NLGN1: variants seen among roughly 807,000 people sequenced by gnomAD.
The protein encoded by NLGN1 is neuroligin 1.
Under a neutral mutation model 65.5 loss-of-function variants are expected in NLGN1, and 12 were observed. The ratio of observed to expected loss-of-function variants is 0.18; its 90% CI spans 0.12 to 0.30. The LOEUF (loss-of-function observed/expected upper bound fraction) is 0.30. Among genes scored for constraint, NLGN1 ranks in the 10% least tolerant of loss-of-function variants. NLGN1 has a pLI of 1.00. For missense variants in NLGN1, 750 were observed against 1,007.1 expected (o/e 0.74, Z 3.46); for synonymous variants, 350 against 359.5 (o/e 0.97, Z 0.30).
chr3:173,734,227 T>C (rs954477896), intron 3 of NLGN1, among the ~76,000 whole-genome samples: 1 of 151,994 alleles, frequency 6.6e-6, no homozygotes, highest in South Asian at 2.1e-4. Context: ...ATTATGATCA[T>C]GTTAAGGCCT....
chr3:173,676,329 GAACA>G (rs1216957185), intron 3 of NLGN1, among the ~76,000 whole-genome samples: 4 of 152,016 alleles, frequency 2.6e-5, no homozygotes, highest in African/African-American at 9.7e-5. Flanking sequence ...ATGGAAATTG[GAACA>G]AACAAAGCCC....
At chr3:173,536,432 T>C (rs1353224696) in intron 2 of NLGN1, among the ~76,000 whole-genome samples, 1 of 152,166 alleles carries the variant, frequency 6.6e-6, no homozygotes, top group Non-Finnish European at 1.5e-5. Flanking sequence ...AAAAAGTAAA[T>C]AATCTTTTCA....
chr3:173,894,169 T>C (rs1001220358), intron 4 of NLGN1, among the ~76,000 whole-genome samples: 2 of 152,156 alleles, frequency 1.3e-5, no homozygotes, highest in Non-Finnish European at 2.9e-5. Context: ...ATTATTATAA[T>C]AGCACTTATC....
intron 4 of NLGN1, among the ~76,000 whole-genome samples, chr3:174,176,437 G>A (rs1729461366): frequency 6.6e-6 from 1 of 151,898 alleles, no homozygotes; most frequent in Non-Finnish European, 1.5e-5. Flanking sequence ...CAGCCATAAT[G>A]TATGTTGCAA....
At chr3:173,850,703 A>C (rs1466752493) in intron 4 of NLGN1, among the ~76,000 whole-genome samples, 1 of 151,942 alleles carries the variant, frequency 6.6e-6, no homozygotes, top group Admixed American at 6.6e-5. Flanking sequence ...TTTCTAAATT[A>C]TTTTTTCCAA....
intron 2 of NLGN1, among the ~76,000 whole-genome samples, chr3:173,548,987 C>A (rs759836986): frequency 1.1e-4 from 16 of 151,882 alleles, no homozygotes; most frequent in Non-Finnish European, 2.1e-4. Context: ...AAACATTGTT[C>A]TATTGTTACT....
At chr3:173,637,956 G>A (rs978831501) in intron 3 of NLGN1, among the ~76,000 whole-genome samples, 3 of 152,106 alleles carry the variant, frequency 2.0e-5, no homozygotes, top group Non-Finnish European at 2.9e-5. Flanking sequence ...TTGGAAAATT[G>A]TGAAACTTTG....
At chr3:173,696,226 T>C (rs1416573318) in intron 3 of NLGN1, among the ~76,000 whole-genome samples, 1 of 152,220 alleles carries the variant, frequency 6.6e-6, no homozygotes, top group Non-Finnish European at 1.5e-5. Flanking sequence ...TATAAATGTG[T>C]GACAGGAGGA....
intron 4 of NLGN1, among the ~76,000 whole-genome samples, chr3:174,265,015 C>T (rs1287898510): frequency 2.6e-5 from 4 of 152,074 alleles, no homozygotes; most frequent in Admixed American, 1.3e-4. Context: ...GGTCAGGGAC[C>T]CACTTGAGGC....
chr3:174,034,964 T>C (rs1053170306), intron 4 of NLGN1, among the ~76,000 whole-genome samples: 1 of 152,124 alleles, frequency 6.6e-6, no homozygotes. Flanking sequence ...TGGAGAAAGA[T>C]ATGCCATGCT....
intron 4 of NLGN1, among the ~76,000 whole-genome samples, chr3:174,236,877 CAGTT>C (rs1741811277): frequency 1.3e-5 from 2 of 151,876 alleles, no homozygotes; most frequent in Non-Finnish European, 2.9e-5. Context: ...TTTAGTTTCC[CAGTT>C]AGTACACAAT....
At chr3:173,444,814 A>G (rs1719879406) in intron 2 of NLGN1, among the ~76,000 whole-genome samples, 1 of 152,054 alleles carries the variant, frequency 6.6e-6, no homozygotes, top group Admixed American at 6.6e-5. Flanking sequence ...GTGGATAGAT[A>G]CTGCAGTATA....
At chr3:174,146,741 T>C (rs1302495063) in intron 4 of NLGN1, among the ~76,000 whole-genome samples, 1 of 152,048 alleles carries the variant, frequency 6.6e-6, no homozygotes, top group Non-Finnish European at 1.5e-5. Flanking sequence ...CTAATTTTTG[T>C]ATTTTTAGTA....
chr3:173,603,153 A>G (rs1055601724), intron 2 of NLGN1, among the ~76,000 whole-genome samples: 2 of 152,122 alleles, frequency 1.3e-5, no homozygotes, highest in Admixed American at 6.6e-5. Context: ...TTCCCATAAT[A>G]TACAGGATAG....
At chr3:173,632,854 T>G (rs947039587) in intron 3 of NLGN1, among the ~76,000 whole-genome samples, 151 of 148,754 alleles carry the variant, frequency 1.0e-3, no homozygotes, top group African/African-American at 3.6e-3. Context: ...TTTTTGTTTT[T>G]TTTTTTTTTT....
chr3:173,613,802 A>G (rs1264473693), intron 3 of NLGN1, among the ~76,000 whole-genome samples: 3 of 152,114 alleles, frequency 2.0e-5, no homozygotes, highest in Admixed American at 6.6e-5. Flanking sequence ...AAAGCCTGTA[A>G]AATGTTGCAA....
At chr3:173,398,714 G>A (rs996486741) in intron 1 of NLGN1, among the ~76,000 whole-genome samples, 1 of 152,128 alleles carries the variant, frequency 6.6e-6, no homozygotes, top group African/African-American at 2.4e-5. Flanking sequence ...TATAACACTT[G>A]GGAAACGTGA....
intron 4 of NLGN1, among the ~76,000 whole-genome samples, chr3:174,259,724 T>G (rs1439902001): frequency 6.6e-6 from 1 of 151,926 alleles, no homozygotes; most frequent in Non-Finnish European, 1.5e-5. Flanking sequence ...AGGGTACATG[T>G]GCACATTGTG....
At chr3:174,114,429 T>C (rs146167477) in intron 4 of NLGN1, among the ~76,000 whole-genome samples, 161 of 152,298 alleles carry the variant, frequency 1.1e-3, no homozygotes, top group African/African-American at 3.7e-3. Context: ...AATTTTAAAA[T>C]GGCATATAAA....
Sources: allele counts gnomAD v4.1 joint callset (sites outside exome capture counted in the v4.1 genomes callset), GRCh38; gene constraint gnomAD v4.1.1; transcripts MANE v1.5; gene names NCBI Gene and HGNC (gene_info 2026-07-23, HGNC 2026-07-21).